TBC1D19: variants seen among roughly 807,000 people sequenced by gnomAD.
TBC1D19 encodes the protein TBC1 domain family member 19, also known as TBC1 domain family, member 19.
Under a neutral mutation model 89.0 loss-of-function variants are expected in TBC1D19, and 60 were observed. That is an observed-to-expected ratio of 0.67 (90% confidence interval 0.55 to 0.84). The LOEUF (loss-of-function observed/expected upper bound fraction) is 0.84, where lower values mean the gene tolerates loss of function less well. Ranked by LOEUF, TBC1D19 falls within the 40% of genes least tolerant of loss-of-function variation. The probability of loss-of-function intolerance (pLI) is 0.00; values close to 1 mark genes in which losing one functional copy is unlikely to be tolerated. For missense variants in TBC1D19, 500 were observed against 610.8 expected, an observed-to-expected ratio of 0.82 and a Z score of 1.91; for synonymous variants, 189 against 199.7, an observed-to-expected ratio of 0.95 and a Z score of 0.45.
intron 1 of TBC1D19, among the ~76,000 whole-genome samples, chr4:26,589,651 C>T (rs1264144657): frequency 1.3e-5 from 2 of 152,120 alleles, no homozygotes; most frequent in Non-Finnish European, 2.9e-5. Context: ...CCATACCTGC[C>T]CTGCCCTAGT....
At chr4:26,826,418 C>T in the TBC1D19 span, among the ~76,000 whole-genome samples, 5 of 151,990 alleles carry the variant, frequency 3.3e-5, no homozygotes, top group Admixed American at 6.6e-5. Context: ...ATATTTGTGC[C>T]CTTACTGTCT....
At chr4:26,858,494 G>A in the TBC1D19 span, 2,157 of 152,426 alleles carry the variant, frequency 0.014, 28 homozygotes, top group Non-Finnish European at 0.022. Context: ...GGGGAGAAAG[G>A]TAAGCGATTG....
the TBC1D19 span, among the ~76,000 whole-genome samples, chr4:26,804,220 A>G: frequency 6.6e-6 from 1 of 151,974 alleles, no homozygotes; most frequent in South Asian, 2.1e-4. Flanking sequence ...ATCTTGGCTC[A>G]CTGCAACCTC....
chr4:26,697,155 A>G (rs187494772), intron 13 of TBC1D19, among the ~76,000 whole-genome samples: 2 of 152,326 alleles, frequency 1.3e-5, no homozygotes, highest in Non-Finnish European at 2.9e-5. Context: ...AATAGACACA[A>G]TAAAAATGAT....
At position 26,748,542 on chromosome 4, in the gene TBC1D19, T is replaced by A; in HGVS notation, c.1435+16T>A. 1 of 1,562,188 alleles carries A rather than the reference T, an allele frequency of 6.4e-7. No individual in the cohort carries two copies. Among genetic ancestry groups the A allele is most frequent in the Non-Finnish European group, 8.8e-7 (1 of 1,134,886 alleles). On this transcript the variant is annotated intron_variant, in intron 19 of 20. Transcript: ENST00000264866. Reference sequence around the variant, plus strand: ...ATTCTTGCTGGTAAGAGTAAATGCTTGTTTGTAGAACACATGCTGTTTCTA... The same window carrying A: ...ATTCTTGCTGGTAAGAGTAAATGCTAGTTTGTAGAACACATGCTGTTTCTA...
At chr4:26,772,627 A>C in the TBC1D19 span, among the ~76,000 whole-genome samples, 9,633 of 151,876 alleles carry the variant, frequency 0.063, 1,033 homozygotes, top group African/African-American at 0.22. Context: ...CCCTCATCCC[A>C]CACCCCCAAC....
chr4:26,786,690 C>T, the TBC1D19 span, among the ~76,000 whole-genome samples: 4 of 133,456 alleles, frequency 3.0e-5, no homozygotes, highest in Non-Finnish European at 6.2e-5. Context: ...GATAGATAGC[C>T]AGTTGAAAGG....
At chr4:26,851,399 G>A in the TBC1D19 span, among the ~76,000 whole-genome samples, 1 of 150,394 alleles carries the variant, frequency 6.6e-6, no homozygotes, top group African/African-American at 2.5e-5. Context: ...TCTCTGTGGA[G>A]AACTCTAATA....
At chr4:26,759,712 T>C (rs975382825), downstream of TBC1D19, among the ~76,000 whole-genome samples, 1 of 152,232 alleles carries the variant, frequency 6.6e-6, no homozygotes, top group Non-Finnish European at 1.5e-5. Context: ...GTAAATGGAA[T>C]CATCCATATG....
intron 7 of TBC1D19, among the ~76,000 whole-genome samples, chr4:26,656,464 CAT>C (rs1306899123): frequency 6.6e-6 from 1 of 152,046 alleles, no homozygotes; most frequent in Admixed American, 6.6e-5. Context: ...TCCTAGCAAA[CAT>C]ATTTATTTTC....
At chr4:26,710,711 T>C (rs925001363) in intron 13 of TBC1D19, among the ~76,000 whole-genome samples, 1 of 152,232 alleles carries the variant, frequency 6.6e-6, no homozygotes, top group Non-Finnish European at 1.5e-5. Context: ...GACTTTTTAA[T>C]GATCCTCATT....
intron 1 of TBC1D19, among the ~76,000 whole-genome samples, chr4:26,591,320 AC>A (rs1330183216): frequency 2.0e-5 from 3 of 152,150 alleles, no homozygotes; most frequent in Non-Finnish European, 4.4e-5. Flanking sequence ...TTGGTTGCAT[AC>A]AAATTTTAGC....
intron 13 of TBC1D19, among the ~76,000 whole-genome samples, chr4:26,691,749 G>T (rs549942637): frequency 6.6e-6 from 1 of 152,230 alleles, no homozygotes; most frequent in South Asian, 2.1e-4. Context: ...TCACTTTATT[G>T]TGGTGGTCTG....
intron 4 of TBC1D19, among the ~76,000 whole-genome samples, chr4:26,630,846 G>A (rs757003687): frequency 6.6e-6 from 1 of 151,970 alleles, no homozygotes; most frequent in Non-Finnish European, 1.5e-5. Flanking sequence ...ATATTAGTCA[G>A]TGAGTCAGCG....
intron 15 of TBC1D19, 149 bp from the exon 16 acceptor site, chr4:26,735,306 G>A: frequency 1.7e-6 from 1 of 590,298 alleles, no homozygotes; most frequent in South Asian, 2.2e-5. Flanking sequence ...TCTCTTTATT[G>A]TTTACTATCA....
In TBC1D19 at chr4:26,605,622, T is replaced by C. The variant is rs369857920; in HGVS notation, c.100-7547T>C. Among the ~76,000 whole-genome samples, 1,298 of 151,634 alleles carry C rather than the reference T, an allele frequency of 8.6e-3. 14 individuals carry two copies. The highest frequency in any genetic ancestry group is 0.029 in the African/African-American group (1,198 of 41,348). On this transcript the variant is annotated intron_variant, in intron 1 of 20. Transcript: ENST00000264866. ...TTTCTAGTTCTAGATCCCTGAGGAATCGCCACACTGACTTCCACAATGGTT... is the reference window on the plus strand; with the variant it reads ...TTTCTAGTTCTAGATCCCTGAGGAACCGCCACACTGACTTCCACAATGGTT...
At chr4:26,594,291 G>A (rs934556658) in intron 1 of TBC1D19, among the ~76,000 whole-genome samples, 1 of 152,158 alleles carries the variant, frequency 6.6e-6, no homozygotes, top group Non-Finnish European at 1.5e-5. Context: ...ATTGAACAAT[G>A]AGAACACATG....
chr4:26,673,373 G>A (rs1400383374), intron 10 of TBC1D19, among the ~76,000 whole-genome samples: 1 of 148,312 alleles, frequency 6.7e-6, no homozygotes, highest in East Asian at 2.0e-4. Flanking sequence ...TAAGAAATTT[G>A]GGGTTTCCGT....
At chr4:26,713,995 C>A (rs1716381576) in intron 13 of TBC1D19, among the ~76,000 whole-genome samples, 1 of 151,978 alleles carries the variant, frequency 6.6e-6, no homozygotes, top group South Asian at 2.1e-4. Flanking sequence ...TGGGGAGTAA[C>A]CCATTAAATG....
Sources: allele counts gnomAD v4.1 joint callset (sites outside exome capture counted in the v4.1 genomes callset), GRCh38; gene constraint gnomAD v4.1.1; transcripts MANE v1.5; gene names NCBI Gene and HGNC (gene_info 2026-07-23, HGNC 2026-07-21).